GSG1L: variants seen among roughly 807,000 people sequenced by gnomAD.
GSG1L encodes GSG1 like.
GSG1L carries 24 observed loss-of-function variants against 42.1 expected under a neutral mutation model. That is an observed-to-expected ratio of 0.57 (90% CI 0.41 to 0.80). The LOEUF is 0.80. Among genes scored for constraint, GSG1L ranks in the 30% least tolerant of loss-of-function variants. The pLI, the probability that GSG1L is intolerant of heterozygous loss-of-function variation, is 0.00. For missense variants in GSG1L, 445 were observed against 472.2 expected (o/e 0.94, Z 0.53); for synonymous variants, 215 against 203.5 (o/e 1.06, Z -0.48).
intron 1 of GSG1L, among the ~76,000 whole-genome samples, chr16:27,979,765 A>AGAAAGAAG (rs1365762620): frequency 7.2e-6 from 1 of 138,124 alleles, no homozygotes; most frequent in South Asian, 2.5e-4. Context: ...AAAGAAAGAA[A>AGAAAGAAG]GAAGGAAAGA....
chr16:27,963,064 A>T (rs529423269), intron 2 of GSG1L, 92 bp downstream of exon 2: 3 of 1,055,628 alleles, frequency 2.8e-6, no homozygotes, highest in Non-Finnish European at 2.9e-6. Context: ...GCTGAAGAAG[A>T]TGCTATCACA....
chr16:27,816,992 T>C (rs2083101764), intron 5 of GSG1L, among the ~76,000 whole-genome samples: 4 of 152,126 alleles, frequency 2.6e-5, no homozygotes, highest in Admixed American at 2.6e-4. Context: ...CTGTCCCCAA[T>C]AGCCCACCAT....
chr16:27,815,384 G>A (rs890123590), intron 5 of GSG1L, among the ~76,000 whole-genome samples: 4 of 152,156 alleles, frequency 2.6e-5, no homozygotes, highest in Non-Finnish European at 5.9e-5. Context: ...AGCTTCCTGA[G>A]GCCTCACCAG....
At chr16:27,873,391 C>A (rs1370392552) in intron 3 of GSG1L, among the ~76,000 whole-genome samples, 1 of 152,108 alleles carries the variant, frequency 6.6e-6, no homozygotes, top group African/African-American at 2.4e-5. Context: ...AGGGATCTGC[C>A]CCAGCTGCTG....
At chr16:28,025,307 G>A (rs1465479985) in intron 1 of GSG1L, among the ~76,000 whole-genome samples, 4 of 152,182 alleles carry the variant, frequency 2.6e-5, no homozygotes, top group Non-Finnish European at 5.9e-5. Flanking sequence ...GGGCCAGGAG[G>A]CTCGGGGAGC....
chr16:27,995,162 A>C (rs1177760447), intron 1 of GSG1L, among the ~76,000 whole-genome samples: 1 of 152,232 alleles, frequency 6.6e-6, no homozygotes, highest in Admixed American at 6.5e-5. Context: ...GGCTCTCCTC[A>C]GGGGAGACTC....
intron 2 of GSG1L, among the ~76,000 whole-genome samples, chr16:27,932,328 T>C (rs1484932013): frequency 6.6e-6 from 1 of 152,184 alleles, no homozygotes; most frequent in Non-Finnish European, 1.5e-5. Flanking sequence ...GTTGGGATTA[T>C]AGGTGTGAGC....
chr16:27,858,694 C>G (rs911126801), intron 3 of GSG1L, among the ~76,000 whole-genome samples: 5 of 152,226 alleles, frequency 3.3e-5, no homozygotes, highest in African/African-American at 1.2e-4. Flanking sequence ...TGTCTCATGT[C>G]TGTAATCCCA....
chr16:27,988,938 T>A (rs6498057), intron 1 of GSG1L, among the ~76,000 whole-genome samples: 115,323 of 151,002 alleles, frequency 0.76, 44,191 homozygotes, highest in South Asian at 0.88. Context: ...CTGTAATCCC[T>A]GCTCCTCGGG....
At chr16:27,900,401 A>G (rs567051490) in intron 2 of GSG1L, among the ~76,000 whole-genome samples, 1 of 152,322 alleles carries the variant, frequency 6.6e-6, no homozygotes, top group African/African-American at 2.4e-5. Context: ...CAGGGCCATA[A>G]TGGGCAAGTA....
intron 2 of GSG1L, among the ~76,000 whole-genome samples, chr16:27,944,094 A>T (rs1416842268): frequency 6.6e-6 from 1 of 152,204 alleles, no homozygotes; most frequent in Non-Finnish European, 1.5e-5. Flanking sequence ...GGTAGTGGCC[A>T]GGAAGGGTTA....
chr16:28,029,658 T>C (rs2085935995), intron 1 of GSG1L, among the ~76,000 whole-genome samples: 1 of 151,902 alleles, frequency 6.6e-6, no homozygotes, highest in Non-Finnish European at 1.5e-5. Context: ...ATGGATGGAC[T>C]GTAGATGAAT....
chr16:27,936,849 C>T (rs1276830342), intron 2 of GSG1L, among the ~76,000 whole-genome samples: 5 of 152,218 alleles, frequency 3.3e-5, no homozygotes, highest in Non-Finnish European at 5.9e-5. Context: ...GGCCACTCCC[C>T]GCCAACACTA....
chr16:28,006,295 T>TTTTTTTTATTTA (rs374242585), intron 1 of GSG1L, among the ~76,000 whole-genome samples: 3 of 148,968 alleles, frequency 2.0e-5, no homozygotes, highest in African/African-American at 7.4e-5. Flanking sequence ...CTTGATTGTA[T>TTTTTTTTATTTA]TTTATTTATT....
intron 1 of GSG1L, among the ~76,000 whole-genome samples, chr16:27,995,119 C>G (rs1325650375): frequency 6.6e-6 from 1 of 152,190 alleles, no homozygotes; most frequent in Admixed American, 6.5e-5. Flanking sequence ...GGTCTCAACC[C>G]AACCTCGAGA....
At position 28,050,942 on chromosome 16, in the gene GSG1L, T is replaced by A. The variant is rs115885318; in HGVS notation, c.349+12134A>T. ...AAGTAAGGGCTTAATAAATTTAGGT[T>A]ACATGCGCAAATGAAGAAACCACCT... On this transcript the variant is annotated intron_variant, in intron 1 of 6. Transcript: ENST00000447459. Among the ~76,000 whole-genome samples the A allele has an allele frequency of 9.0e-3, 1,365 of 152,278 alleles. 28 individuals are homozygous for A. Among genetic ancestry groups the A allele is most frequent in the African/African-American group, 0.031 (1,272 of 41,540 alleles).
At chr16:28,030,074 A>G (rs992243399) in intron 1 of GSG1L, among the ~76,000 whole-genome samples, 1 of 152,216 alleles carries the variant, frequency 6.6e-6, no homozygotes, top group Non-Finnish European at 1.5e-5. Context: ...ACTGCTTGTA[A>G]AAGGCACAGA....
intron 1 of GSG1L, among the ~76,000 whole-genome samples, chr16:27,965,520 C>A (rs183448250): frequency 6.6e-6 from 1 of 152,140 alleles, no homozygotes; most frequent in Non-Finnish European, 1.5e-5. Context: ...AAGCTCACTC[C>A]GGACTCTGCT....
At chr16:27,857,814 G>C (rs972357293) in intron 3 of GSG1L, among the ~76,000 whole-genome samples, 2 of 151,606 alleles carry the variant, frequency 1.3e-5, no homozygotes, top group African/African-American at 2.4e-5. Context: ...CCAGTTAAAT[G>C]TCTCCAAGTG....
Sources: gnomAD v4.1 joint callset for allele counts (sites outside exome capture counted in the v4.1 genomes callset) on GRCh38, gnomAD v4.1.1 for gene constraint, MANE v1.5 for transcripts, NCBI Gene and HGNC (gene_info 2026-07-23, HGNC 2026-07-21) for gene names.